MICU3: variants seen among roughly 807,000 people sequenced by gnomAD.
MICU3 encodes the protein mitochondrial calcium uptake 3.
In MICU3, 62 loss-of-function variants were observed where a neutral mutation model predicts 66.5. The observed-to-expected ratio is 0.93, with a 90% CI of 0.76 to 1.15. The LOEUF (loss-of-function observed/expected upper bound fraction) is 1.15. Among genes scored for constraint, MICU3 ranks in the 50% most tolerant of loss-of-function variants. The probability of loss-of-function intolerance (pLI) is 0.00; values close to 1 mark genes in which losing one functional copy is unlikely to be tolerated. For synonymous variants in MICU3, 308 were observed against 240.7 expected, an observed-to-expected ratio of 1.28 and a Z score of -2.59; for missense variants, 779 against 664.4, an observed-to-expected ratio of 1.17 and a Z score of -1.90.
At chr8:17,093,715 C>CTA (rs1194266999) in intron 8 of MICU3, among the ~76,000 whole-genome samples, 1 of 151,852 alleles carries the variant, frequency 6.6e-6, no homozygotes, top group Non-Finnish European at 1.5e-5. Context: ...CTATTATATG[C>CTA]TATCCCTAGA....
chr8:17,088,495 C>G (rs1210612852), intron 7 of MICU3, among the ~76,000 whole-genome samples: 1 of 151,698 alleles, frequency 6.6e-6, no homozygotes, highest in Non-Finnish European at 1.5e-5. Context: ...GATATATTAC[C>G]TCTAACTATA....
intron 1 of MICU3, among the ~76,000 whole-genome samples, chr8:17,049,461 G>T (rs958805694): frequency 2.6e-5 from 4 of 152,122 alleles, no homozygotes; most frequent in African/African-American, 9.7e-5. Flanking sequence ...AAGGGAAAAG[G>T]CAGTATTTGC....
chr8:17,067,338 T>G (rs918866296), intron 2 of MICU3, among the ~76,000 whole-genome samples: 4 of 152,126 alleles, frequency 2.6e-5, no homozygotes, highest in African/African-American at 4.8e-5. Context: ...TTCTTGAAGA[T>G]CGAATGAATT....
chr8:17,075,608 T>TA (rs1408165666), intron 3 of MICU3, among the ~76,000 whole-genome samples: 1 of 152,172 alleles, frequency 6.6e-6, no homozygotes, highest in African/African-American at 2.4e-5. Flanking sequence ...TAGAGGTCCT[T>TA]AAAGTTAACA....
chr8:17,106,923 C>CG (rs955797110), intron 11 of MICU3, among the ~76,000 whole-genome samples: 3 of 152,044 alleles, frequency 2.0e-5, no homozygotes, highest in Non-Finnish European at 4.4e-5. Flanking sequence ...CCCCTCCTTC[C>CG]GCCTACTTAA....
the MICU3 span, among the ~76,000 whole-genome samples, chr8:17,137,673 A>AC: frequency 1.3e-5 from 2 of 151,160 alleles, no homozygotes. Context: ...ATGGTAAGAA[A>AC]CAGACAAGGG....
chr8:17,094,505 A>G (rs144869597), intron 8 of MICU3, among the ~76,000 whole-genome samples: 318 of 152,126 alleles, frequency 2.1e-3, no homozygotes, highest in African/African-American at 7.1e-3. Flanking sequence ...TATTTTGCAG[A>G]TCTCTTTAAT....
intron 1 of MICU3, among the ~76,000 whole-genome samples, chr8:17,040,306 T>C (rs577371436): frequency 1.2e-4 from 18 of 152,310 alleles, no homozygotes; most frequent in African/African-American, 4.3e-4. Flanking sequence ...CTCAAAAGAT[T>C]TTAATAAATC....
chr8:17,091,465 G>A (rs991429923), intron 8 of MICU3, among the ~76,000 whole-genome samples: 2 of 152,022 alleles, frequency 1.3e-5, no homozygotes, highest in African/African-American at 4.8e-5. Context: ...TAGTTGTAGT[G>A]TACAATTCTA....
chr8:17,097,177 A>G (rs1393726182), intron 8 of MICU3, among the ~76,000 whole-genome samples: 1 of 151,776 alleles, frequency 6.6e-6, no homozygotes, highest in East Asian at 1.9e-4. Flanking sequence ...TCCACATTCA[A>G]AATATGTGAA....
rs148891413 is a variant in MICU3, at chr8:17,099,665, T to C, written c.984+1112T>C. ...CCATGATTAGGTATGAAGTGGCAGA[T>C]GTTCCCTTTACAGATATTTTAGAAG... is the stretch of plus-strand genomic sequence containing the variant. On this transcript the variant is annotated intron_variant, in intron 9 of 14. Coordinates refer to ENST00000318063, the MANE Select transcript of MICU3 (RefSeq NM_181723.3). Among the ~76,000 whole-genome samples, 335 of 151,986 alleles carry C rather than the reference T, an allele frequency of 2.2e-3. 2 individuals carry two copies. The highest frequency in any genetic ancestry group is 7.3e-3 in the African/African-American group (304 of 41,514).
At chr8:17,112,266 T>A (rs1190122133) in intron 11 of MICU3, among the ~76,000 whole-genome samples, 1 of 152,218 alleles carries the variant, frequency 6.6e-6, no homozygotes, top group Non-Finnish European at 1.5e-5. Flanking sequence ...ATGTATTTTT[T>A]GATGTTTTCA....
intron 2 of MICU3, among the ~76,000 whole-genome samples, chr8:17,067,221 T>C (rs1244191890): frequency 6.6e-6 from 1 of 152,224 alleles, no homozygotes; most frequent in Non-Finnish European, 1.5e-5. Context: ...AACTGTAGCG[T>C]AATGAAATTT....
intron 1 of MICU3, among the ~76,000 whole-genome samples, chr8:17,046,021 T>C (rs1815012472): frequency 6.6e-6 from 1 of 152,238 alleles, no homozygotes; most frequent in Non-Finnish European, 1.5e-5. Flanking sequence ...TCTCTTCATC[T>C]GTATGCTTTG....
chr8:17,082,195 G>C (rs372230419), intron 5 of MICU3, among the ~76,000 whole-genome samples: 1 of 152,018 alleles, frequency 6.6e-6, no homozygotes, highest in Non-Finnish European at 1.5e-5. Context: ...ATATATGAAG[G>C]GTTTACTATG....
At chr8:17,060,389 C>T (rs373503134) in intron 1 of MICU3, among the ~76,000 whole-genome samples, 14 of 151,898 alleles carry the variant, frequency 9.2e-5, no homozygotes, top group South Asian at 4.2e-4. Flanking sequence ...CTCTGCCTCC[C>T]GGGTTACGAG....
chr8:17,060,603 C>T (rs911642254), intron 1 of MICU3, among the ~76,000 whole-genome samples: 26 of 152,116 alleles, frequency 1.7e-4, no homozygotes, highest in Admixed American at 3.3e-4. Flanking sequence ...TGAGCCACTA[C>T]GCCTGGCCAT....
Position 17,046,282 on chromosome 8 carries a change from A to C in MICU3, c.382-17802A>C, listed in dbSNP as rs183152206. On this transcript the variant is annotated intron_variant, in intron 1 of 14. Coordinates refer to ENST00000318063, the MANE Select transcript of MICU3 (RefSeq NM_181723.3). Reference sequence around the variant, plus strand: ...TGTCAGAATTGATTGGAGGACACCCAGTTGGTGGCTGCTGCAGAACTGATT... The same window carrying C: ...TGTCAGAATTGATTGGAGGACACCCCGTTGGTGGCTGCTGCAGAACTGATT... 2.3e-4 allele frequency among the ~76,000 whole-genome samples: 35 copies of C among 152,258 alleles called. No homozygotes were observed. In the East Asian group the frequency reaches 5.4e-3, roughly 24 times the overall value.
At chr8:17,027,712 C>G (rs954231633) in intron 1 of MICU3, 52 bp downstream of exon 1, 2 of 1,262,660 alleles carry the variant, frequency 1.6e-6, no homozygotes, top group East Asian at 3.1e-5. Flanking sequence ...ACCTTCGTGC[C>G]GGGTACGCAG....
Sources: gnomAD v4.1 joint callset for allele counts (sites outside exome capture counted in the v4.1 genomes callset) on GRCh38, gnomAD v4.1.1 for gene constraint, MANE v1.5 for transcripts, NCBI Gene and HGNC (gene_info 2026-07-23, HGNC 2026-07-21) for gene names.